The following DMBX1 variants were observed in gnomAD, a reference collection of about 807,000 sequenced individuals.
The protein encoded by DMBX1 is diencephalon/mesencephalon homeobox 1.
In DMBX1, 7 loss-of-function variants were observed where a neutral mutation model predicts 30.4. The ratio of observed to expected loss-of-function variants is 0.23; its 90% confidence interval spans 0.13 to 0.43. The LOEUF (loss-of-function observed/expected upper bound fraction) is 0.43. Among genes scored for constraint, DMBX1 ranks in the 20% least tolerant of loss-of-function variants. The pLI is 1.00. For missense variants in DMBX1, 460 were observed against 508.5 expected (o/e 0.90, Z 0.92); for synonymous variants, 222 against 214.2 (o/e 1.04, Z -0.32).
Position 46,514,947 on chromosome 1 carries a change from A to G in DMBX1, c.*2453A>G, listed in dbSNP as rs1349360612. Among the ~76,000 whole-genome samples the G allele has an allele frequency of 6.6e-6, 1 of 152,162 alleles. No homozygotes were observed. Among genetic ancestry groups the G allele is most frequent in the Non-Finnish European group, 1.5e-5 (1 of 68,028 alleles). ...CAGCAGAGATGAGACTCAGTAGACC[A>G]TGGGAAGGGGGTGGCTGGCTTCACG... is the stretch of plus-strand genomic sequence containing the variant. On this transcript the variant is annotated 3_prime_UTR_variant, in exon 6 of 6. Coordinates refer to ENST00000360032, the MANE Select transcript of DMBX1 (RefSeq NM_172225.2).
rs547949382 is a variant in DMBX1 at position 46,490,982 on chromosome 1, C to T, written c.-13+199C>T. Among the ~76,000 whole-genome samples the T allele has an allele frequency of 1.5e-4, 23 of 152,364 alleles. 1 individual carries two copies. The highest frequency in any genetic ancestry group is 5.9e-4 in the Admixed American group (9 of 15,312). On this transcript the variant is annotated intron_variant, in intron 2 of 5. Transcript: ENST00000360032. ...GGGTCTTTCCTCCCTAGGCTTCCCA[C>T]ACTGGATGGCCGTAACTCAGTCGTT...
chr1:46,492,868 C>G (rs923181112), intron 2 of DMBX1, among the ~76,000 whole-genome samples: 6 of 152,164 alleles, frequency 3.9e-5, no homozygotes, highest in East Asian at 1.9e-4. Context: ...CACTCATGCT[C>G]AACACATGCA....
In DMBX1 at chr1:46,512,607, G is replaced by A; in HGVS notation, c.*113G>A. 2 of 1,217,990 alleles carry A rather than the reference G, an allele frequency of 1.6e-6. No individual in the cohort carries two copies. Among genetic ancestry groups the A allele is most frequent in the Non-Finnish European group, 2.3e-6 (2 of 888,340 alleles). The allele number at this position is 1,217,990 out of a possible 1,614,324, so 75.4% of individuals were successfully genotyped here. On this transcript the variant is annotated 3_prime_UTR_variant, in exon 6 of 6. Coordinates refer to ENST00000360032, the MANE Select transcript of DMBX1 (RefSeq NM_172225.2). This position sits in a 1 kb window ranked among gnomAD's most constrained non-coding sequence, Gnocchi z 4.8. ...CATGAGCCCAGGGATCCTAGGGCCT[G>A]GGGTCCTGTTCCCTGCTCCGCTTCC... is the stretch of plus-strand genomic sequence containing the variant.
In DMBX1 at chr1:46,510,995, C is replaced by G; in HGVS notation, c.394C>G (p.Gln132Glu). ...GAAGCAGCGTAGCCTGCAGAAGGAA[C>G]AGCTCCAGAAGCAGAAGGAGGCTGA... ...RKKQRSLQKEQLQKQKEAEGS... is the reference protein window; with the variant it reads ...RKKQRSLQKEELQKQKEAEGS... Residue 132 changes from glutamine to glutamate, a missense_variant, in exon 5 of 6, where the codon CAG (glutamine) becomes GAG (glutamate). Physicochemically the swap from Gln to Glu is conservative, Grantham distance 29. Transcript: ENST00000360032. This position sits in a 1 kb window ranked among gnomAD's most constrained non-coding sequence, Gnocchi z 4.1. 1 of 1,613,728 alleles carries G rather than the reference C, an allele frequency of 6.2e-7. No individual in the cohort carries two copies. The highest frequency in any genetic ancestry group is 8.5e-7 in the Non-Finnish European group (1 of 1,179,868).
In DMBX1 at chr1:46,514,529, G is replaced by C. The variant is rs1666453278; in HGVS notation, c.*2035G>C. 6.6e-6 allele frequency among the ~76,000 whole-genome samples: 1 copy of C among 152,146 alleles called. No homozygotes were observed. The highest frequency in any genetic ancestry group is 6.6e-5 in the Admixed American group (1 of 15,256). On this transcript the variant is annotated 3_prime_UTR_variant, in exon 6 of 6. Coordinates refer to ENST00000360032, the MANE Select transcript of DMBX1 (RefSeq NM_172225.2). ...GGTCCCTTCTAGTTCAGGCAATCTGGATTTGATCTTGAGTTCCAGTGCCAG... is the reference window on the plus strand; with the variant it reads ...GGTCCCTTCTAGTTCAGGCAATCTGCATTTGATCTTGAGTTCCAGTGCCAG...
At chr1:46,511,930 G>T in intron 5 of DMBX1, 113 bp from the exon 6 acceptor site, 1 of 1,092,526 alleles carries the variant, frequency 9.2e-7, no homozygotes, top group East Asian at 2.4e-5. Flanking sequence ...TGTGGTTTCA[G>T]CCGAAGCCTG....
intron 2 of DMBX1, among the ~76,000 whole-genome samples, chr1:46,494,327 C>T (rs1159205963): frequency 6.6e-6 from 1 of 152,206 alleles, no homozygotes; most frequent in African/African-American, 2.4e-5. Flanking sequence ...AAAAAATTAA[C>T]TCCAGCCGCC....
intron 2 of DMBX1, among the ~76,000 whole-genome samples, chr1:46,494,585 A>G (rs1006883444): frequency 9.2e-5 from 14 of 152,158 alleles, no homozygotes; most frequent in African/African-American, 3.1e-4. Flanking sequence ...ACCCACCGGG[A>G]CCCTGGAACT....
intron 2 of DMBX1, among the ~76,000 whole-genome samples, chr1:46,498,124 C>T (rs923052223): frequency 6.6e-6 from 1 of 152,154 alleles, no homozygotes; most frequent in Admixed American, 6.5e-5. Flanking sequence ...GGAAGGGGTT[C>T]CTGCAGCTGG....
At chr1:46,497,794 C>T (rs1283242549) in intron 2 of DMBX1, among the ~76,000 whole-genome samples, 2 of 152,222 alleles carry the variant, frequency 1.3e-5, no homozygotes, top group African/African-American at 2.4e-5. Context: ...ATCTATATGG[C>T]GCCTGTGGCG....
intron 2 of DMBX1, among the ~76,000 whole-genome samples, chr1:46,500,982 C>T (rs957380309): frequency 7.9e-5 from 12 of 152,130 alleles, no homozygotes; most frequent in African/African-American, 9.7e-5. Context: ...GGGTCAAAGA[C>T]GATGTACTCT....
At chr1:46,505,700 T>G (rs570644829) in intron 2 of DMBX1, among the ~76,000 whole-genome samples, 1 of 151,162 alleles carries the variant, frequency 6.6e-6, no homozygotes, top group East Asian at 2.0e-4. Flanking sequence ...TGTATACATA[T>G]GTAACTAACC....
At position 46,490,360 on chromosome 1, in the gene DMBX1, G is replaced by GA. The variant is rs915636522; in HGVS notation, c.-152-274dup. On this transcript the variant is annotated intron_variant, in intron 1 of 5. Coordinates refer to ENST00000360032, the MANE Select transcript of DMBX1 (RefSeq NM_172225.2). ...ATTTGGAAGATATTACTTCGCCCCT[G>GA]AAAAAAAAAATACAAAAAAGGTTTG... 5.9e-3 allele frequency among the ~76,000 whole-genome samples: 880 copies of GA among 149,330 alleles called. 5 individuals are homozygous for GA. Among genetic ancestry groups the GA allele is most frequent in the African/African-American group, 0.019 (767 of 40,856 alleles).
chr1:46,504,041 G>A (rs956916215), intron 2 of DMBX1, among the ~76,000 whole-genome samples: 5 of 152,276 alleles, frequency 3.3e-5, no homozygotes, highest in African/African-American at 7.2e-5. Flanking sequence ...CATGTCCTTC[G>A]CCCACTTTTT....
chr1:46,505,792 A>C (rs1666222761), intron 2 of DMBX1, among the ~76,000 whole-genome samples: 1 of 152,030 alleles, frequency 6.6e-6, no homozygotes, highest in African/African-American at 2.4e-5. Flanking sequence ...ACTTAAAAAA[A>C]AAAAAAAGAA....
At chr1:46,501,218 CTTT>C (rs1557786015) in intron 2 of DMBX1, among the ~76,000 whole-genome samples, 8,815 of 85,146 alleles carry the variant, frequency 0.1, 545 homozygotes, top group East Asian at 0.13. Context: ...TCCTTCCTTT[CTTT>C]CTTTCTTTCT....
chr1:46,490,605 G>A (rs942251), intron 1 of DMBX1, among the ~76,000 whole-genome samples, 39 bp from the exon 2 acceptor site: 9 of 152,130 alleles, frequency 5.9e-5, no homozygotes, highest in Non-Finnish European at 1.3e-4. Flanking sequence ...GCAGTGCTCC[G>A]GGCATTGCCC....
intron 2 of DMBX1, among the ~76,000 whole-genome samples, chr1:46,501,841 G>A (rs894444163): frequency 6.6e-6 from 1 of 152,134 alleles, no homozygotes; most frequent in African/African-American, 2.4e-5. Context: ...TCCTAAGTAA[G>A]AGTTCTTTGT....
At position 46,507,985 on chromosome 1, in the gene DMBX1, G is replaced by A. The variant is rs376602925; in HGVS notation, c.154+821G>A. On this transcript the variant is annotated intron_variant, in intron 3 of 5. Coordinates refer to ENST00000360032, the MANE Select transcript of DMBX1 (RefSeq NM_172225.2). ...TACCCATATATGCCTATGAGGGACC[G>A]GCAGTCTGGTGCCCCACACCTGGTT... Among the ~76,000 whole-genome samples the A allele has an allele frequency of 1.8e-4, 28 of 151,886 alleles. No individual in the cohort carries two copies. In the South Asian group the frequency reaches 3.5e-3, roughly 19 times the overall value.
Sources: gnomAD v4.1 joint callset for allele counts (sites outside exome capture counted in the v4.1 genomes callset) on GRCh38, gnomAD v4.1.1 for gene constraint, Gnocchi (gnomAD v3.1) non-coding constraint, MANE v1.5 for transcripts, NCBI Gene and HGNC (gene_info 2026-07-23, HGNC 2026-07-21) for gene names.